Variants in FAM193A observed in about 807,000 individuals in gnomAD.
FAM193A encodes the protein family with sequence similarity 193 member A.
Under a neutral mutation model 126.5 loss-of-function variants are expected in FAM193A, and 22 were observed. The observed-to-expected ratio is 0.17, with a 90% CI of 0.12 to 0.25. FAM193A has a LOEUF of 0.25. Among genes scored for constraint, FAM193A ranks in the 10% least tolerant of loss-of-function variants. The pLI is 1.00. For synonymous variants in FAM193A, 761 were observed against 646.8 expected (o/e 1.18, Z -2.68); for missense variants, 1,675 against 1,672.8 (o/e 1.00, Z -0.02).
At chr4:2,610,801 G>A (rs551653324) in intron 2 of FAM193A, among the ~76,000 whole-genome samples, 4 of 151,622 alleles carry the variant, frequency 2.6e-5, no homozygotes, top group African/African-American at 9.7e-5. Context: ...GCAATGGCGC[G>A]ATCTCGGCTC....
chr4:2,547,173 A>C (rs974527507), intron 1 of FAM193A, among the ~76,000 whole-genome samples: 3 of 151,878 alleles, frequency 2.0e-5, no homozygotes, highest in African/African-American at 7.2e-5. Context: ...GGATCACTGG[A>C]GGTCAGGAGT....
intron 10 of FAM193A, among the ~76,000 whole-genome samples, chr4:2,660,359 C>T (rs1228666441): frequency 6.6e-6 from 1 of 152,166 alleles, no homozygotes; most frequent in African/African-American, 2.4e-5. Flanking sequence ...AAAGGGTGAC[C>T]AGTCCGCCGT....
intron 12 of FAM193A, among the ~76,000 whole-genome samples, chr4:2,670,665 G>T (rs1004145268): frequency 1.3e-5 from 2 of 152,098 alleles, no homozygotes; most frequent in Non-Finnish European, 2.9e-5. Flanking sequence ...TTGCCATGTT[G>T]CCCAGACTAG....
In FAM193A at chr4:2,625,478, G is replaced by A. The variant is rs1742857525; in HGVS notation, c.635+83G>A. On this transcript the variant is annotated intron_variant, in intron 3 of 20. Coordinates refer to ENST00000637812, the MANE Select transcript of FAM193A (RefSeq NM_001366318.2). ...ATATTGGAGCTGGACGGAGAAACTG[G>A]GCTAATGTGACAGACAGCAACAAGA... 4 of 594,996 alleles carry A rather than the reference G, an allele frequency of 6.7e-6. No homozygotes were observed. In the Admixed American group the frequency reaches 1.0e-4, roughly 15 times the overall value. The allele number at this position is 594,996 out of a possible 1,614,324, so 36.9% of individuals were successfully genotyped here. A position where few individuals can be genotyped will look rare whatever the true frequency, so the allele number is the denominator to read the frequency against.
intron 1 of FAM193A, among the ~76,000 whole-genome samples, chr4:2,578,475 C>G (rs1739734845): frequency 6.6e-6 from 1 of 151,704 alleles, no homozygotes; most frequent in African/African-American, 2.4e-5. Context: ...CCTCAATCTT[C>G]CATTTACAAA....
Position 2,623,064 on chromosome 4 carries a change from G to A in FAM193A, c.502-2198G>A, listed in dbSNP as rs144189723. On this transcript the variant is annotated intron_variant, in intron 2 of 20. Coordinates refer to ENST00000637812, the MANE Select transcript of FAM193A (RefSeq NM_001366318.2). ...CACTCTGCCCCCCTTCCCTCATGGT[G>A]TAATTCTGGGGTCTGCTTCCCCAGC... is the stretch of plus-strand genomic sequence containing the variant. Among the ~76,000 whole-genome samples the A allele has an allele frequency of 3.5e-3, 535 of 152,082 alleles. 3 individuals carry two copies. Among genetic ancestry groups the A allele is most frequent in the African/African-American group, 0.013 (519 of 41,500 alleles).
chr4:2,683,427 TG>T (rs1715385144), intron 13 of FAM193A, among the ~76,000 whole-genome samples: 1 of 152,182 alleles, frequency 6.6e-6, no homozygotes, highest in African/African-American at 2.4e-5. Flanking sequence ...CCCAGGTAGC[TG>T]GGATTACAGG....
At chr4:2,595,493 A>G (rs1259005148) in intron 1 of FAM193A, among the ~76,000 whole-genome samples, 1 of 152,126 alleles carries the variant, frequency 6.6e-6, no homozygotes. Flanking sequence ...CTTGCCCCAC[A>G]TTGTAGGACC....
chr4:2,549,191 A>C (rs1737753125), intron 1 of FAM193A, among the ~76,000 whole-genome samples: 1 of 151,658 alleles, frequency 6.6e-6, no homozygotes, highest in Admixed American at 6.6e-5. Context: ...GGCCCACCTC[A>C]GCCTCCCAAA....
At chr4:2,585,383 G>A (rs746567937) in intron 1 of FAM193A, among the ~76,000 whole-genome samples, 6 of 152,144 alleles carry the variant, frequency 3.9e-5, no homozygotes, top group Admixed American at 1.3e-4. Flanking sequence ...TTGGCTGAGC[G>A]TGGGTTTTGT....
chr4:2,547,630 AT>A (rs1313470026), intron 1 of FAM193A, among the ~76,000 whole-genome samples: 267 of 132,122 alleles, frequency 2.0e-3, no homozygotes, highest in Middle Eastern at 7.9e-3. Flanking sequence ...GTGTGTATGT[AT>A]TTTTTTTTTT....
intron 7 of FAM193A, among the ~76,000 whole-genome samples, chr4:2,652,775 A>T (rs977447389): frequency 3.9e-5 from 6 of 152,216 alleles, no homozygotes; most frequent in Non-Finnish European, 5.9e-5. Flanking sequence ...TCATGTATCG[A>T]TATAAGTTTC....
At chr4:2,652,342 G>A (rs16843184) in intron 7 of FAM193A, among the ~76,000 whole-genome samples, 4,230 of 152,216 alleles carry the variant, frequency 0.028, 208 homozygotes, top group African/African-American at 0.096. Context: ...TTCTTCTGTA[G>A]GATTGATGCT....
At position 2,577,426 on chromosome 4, in the gene FAM193A, T is replaced by TTTTTTTTTTTTG. The variant is rs1739661295; in HGVS notation, c.256-18648_256-18647insTGTTTTTTTTTT. Among the ~76,000 whole-genome samples the TTTTTTTTTTTTG allele has an allele frequency of 3.4e-5, 5 of 146,326 alleles. No homozygotes were observed. In the South Asian group the frequency reaches 6.6e-4, roughly 19 times the overall value. On this transcript the variant is annotated intron_variant, in intron 1 of 20. Coordinates refer to ENST00000637812, the MANE Select transcript of FAM193A (RefSeq NM_001366318.2). Reference sequence around the variant, plus strand: ...AATTAAAGTGGTTTTTTTTTTGTTTTTTTTTTTTTTGAGACAGAGTCTCAG... The same window carrying TTTTTTTTTTTTG: ...AATTAAAGTGGTTTTTTTTTTGTTTTTTTTTTTTTTTGTTTTTTTTTTGAGACAGAGTCTCAG...
intron 1 of FAM193A, among the ~76,000 whole-genome samples, chr4:2,573,005 AT>A (rs1384161395): frequency 6.6e-6 from 1 of 152,070 alleles, no homozygotes; most frequent in Non-Finnish European, 1.5e-5. Context: ...GAAGGGCTAG[AT>A]TTGAGGAACA....
At chr4:2,614,715 T>C (rs758261398) in intron 2 of FAM193A, among the ~76,000 whole-genome samples, 12 of 152,244 alleles carry the variant, frequency 7.9e-5, no homozygotes, top group Admixed American at 1.3e-4. Flanking sequence ...TTGGCAGAAT[T>C]CACCAGTAAA....
At chr4:2,629,045 G>A (rs1743274582) in intron 4 of FAM193A, among the ~76,000 whole-genome samples, 1 of 151,872 alleles carries the variant, frequency 6.6e-6, no homozygotes, top group South Asian at 2.1e-4. Flanking sequence ...GTAGAGACAG[G>A]GTTTCACCGT....
At chr4:2,691,615 G>A (rs980220714) in intron 15 of FAM193A, among the ~76,000 whole-genome samples, 2 of 151,974 alleles carry the variant, frequency 1.3e-5, no homozygotes, top group South Asian at 2.1e-4. Flanking sequence ...TAGCTGGCTC[G>A]AGGAGGCCTC....
Position 2,731,920 on chromosome 4 carries a change from C to G in FAM193A, c.*52C>G, listed in dbSNP as rs1174691230. On this transcript the variant is annotated 3_prime_UTR_variant, in exon 21 of 21. Coordinates refer to ENST00000637812, the MANE Select transcript of FAM193A (RefSeq NM_001366318.2). Reference sequence around the variant, plus strand: ...CGAGAGGCAGGCCAGGCTGCACCACCCCAAGAGCCACGCCCCTCGCTGGCG... The same window carrying G: ...CGAGAGGCAGGCCAGGCTGCACCACGCCAAGAGCCACGCCCCTCGCTGGCG... 2.9e-6 allele frequency: 4 copies of G among 1,380,236 alleles called. No homozygotes were observed. The highest frequency in any genetic ancestry group is 4.1e-6 in the Non-Finnish European group (4 of 969,018). The allele number at this position is 1,380,236 out of a possible 1,614,324, so 85.5% of individuals were successfully genotyped here.
Sources: allele counts gnomAD v4.1 joint callset (sites outside exome capture counted in the v4.1 genomes callset), GRCh38; gene constraint gnomAD v4.1.1; transcripts MANE v1.5; gene names NCBI Gene and HGNC (gene_info 2026-07-23, HGNC 2026-07-21).